ITGA2: variants seen among roughly 807,000 people sequenced by gnomAD.
ITGA2 encodes the protein integrin alpha-2.
A neutral mutation model predicts 146.3 loss-of-function variants in ITGA2; 101 were observed. The observed-to-expected ratio is 0.69, with a 90% CI of 0.59 to 0.81. ITGA2 has a LOEUF of 0.81. Among genes scored for constraint, ITGA2 ranks in the 40% least tolerant of loss-of-function variants. ITGA2 has a pLI of 0.00. For synonymous variants in ITGA2, 477 were observed against 487.1 expected (o/e 0.98, Z 0.27); for missense variants, 1,281 against 1,402.7 (o/e 0.91, Z 1.39).
chr5:52,997,710 A>G (rs943155223), intron 1 of ITGA2, among the ~76,000 whole-genome samples: 2 of 152,032 alleles, frequency 1.3e-5, no homozygotes, highest in African/African-American at 4.8e-5. Context: ...CAGTCAGACA[A>G]CTCTATTCCA....
intron 27 of ITGA2, 127 bp downstream of exon 27, chr5:53,083,580 C>A: frequency 1.4e-6 from 1 of 716,138 alleles, no homozygotes; most frequent in South Asian, 1.5e-5. Context: ...TAACCCAGAG[C>A]ATTTTACCCT....
At chr5:53,017,137 T>C (rs1742432025) in intron 1 of ITGA2, among the ~76,000 whole-genome samples, 1 of 152,190 alleles carries the variant, frequency 6.6e-6, no homozygotes, top group Non-Finnish European at 1.5e-5. Flanking sequence ...ACTAGTGCTG[T>C]TGTTTGGAAG....
chr5:53,015,019 A>G (rs1406075133), intron 1 of ITGA2, among the ~76,000 whole-genome samples: 1 of 151,378 alleles, frequency 6.6e-6, no homozygotes. Flanking sequence ...CAGTCTATCT[A>G]TCTTGTCTAT....
intron 2 of ITGA2, among the ~76,000 whole-genome samples, chr5:53,028,780 A>G (rs1340805229): frequency 6.6e-6 from 1 of 152,200 alleles, no homozygotes; most frequent in African/African-American, 2.4e-5. Context: ...TATCTTATCC[A>G]TGAGCCAGTC....
At chr5:53,024,291 CATT>C (rs1403823772) in intron 1 of ITGA2, among the ~76,000 whole-genome samples, 6 of 152,068 alleles carry the variant, frequency 3.9e-5, no homozygotes, top group South Asian at 4.1e-4. Context: ...TTGGAATAAA[CATT>C]ATAATTTAAA....
At position 53,065,011 on chromosome 5, in the gene ITGA2, G is replaced by A; in HGVS notation, c.1702G>A (p.Gly568Ser). ...AGCTCTTTCAGACATCAACATGGAT[G>A]GCTTTAATGATGTGATTGTTGGTTC... ...IAALSDINMDGFNDVIVGSPL... is the reference protein window; with the variant it reads ...IAALSDINMDSFNDVIVGSPL... Residue 568 changes from glycine (G) to serine (S), a missense_variant, in exon 14 of 30, where the codon GGC becomes AGC. Coordinates refer to ENST00000296585, the MANE Select transcript of ITGA2 (RefSeq NM_002203.4). 6.2e-7 allele frequency: 1 copy of A among 1,612,848 alleles called. No homozygotes were observed.
rs1380049630 is a variant in ITGA2 at position 53,062,788 on chromosome 5, T to C, written c.1461T>C (p.Ile487=). The C allele has an allele frequency of 6.2e-7, 1 of 1,611,246 alleles. No homozygotes were observed. The highest frequency in any genetic ancestry group is 8.5e-7 in the Non-Finnish European group (1 of 1,178,026). ...TVIQAHRGDQ[I]GSYFGSVLCS... The stretch of plus-strand genomic sequence containing the variant: ...TTTAACATGTTTTATTACTCCAGAT[T>C]GGCTCCTATTTTGGTAGTGTGCTGT... Residue 487 remains isoleucine, a splice_region_variant and synonymous_variant, in exon 13 of 30, where the codon ATT becomes ATC. Transcript: ENST00000296585.
intron 1 of ITGA2, among the ~76,000 whole-genome samples, chr5:53,010,195 A>G (rs1297242173): frequency 5.3e-5 from 8 of 152,110 alleles, no homozygotes; most frequent in Admixed American, 2.6e-4. Flanking sequence ...TTACCTACAT[A>G]AGAAACCTGC....
intron 16 of ITGA2, among the ~76,000 whole-genome samples, chr5:53,068,826 A>G (rs1296274026): frequency 2.6e-5 from 4 of 151,360 alleles, no homozygotes; most frequent in African/African-American, 9.7e-5. Context: ...TTTAAGATTA[A>G]TAACATAGCC....
rs140852048 is a variant in ITGA2, at chr5:53,026,806, C to T, written c.123C>T (p.Ser41=). Residue 41 remains serine, a synonymous_variant, in exon 2 of 30, where the codon TCC becomes TCT. Coordinates refer to ENST00000296585, the MANE Select transcript of ITGA2 (RefSeq NM_002203.4). The part of the protein sequence containing the change: ...NVGLPEAKIF[S]GPSSEQFGYA... ...GTCTCCCAGAAGCAAAAATATTTTC[C>T]GGTCCTTCAAGTGAACAGTTTGGCT... 1.8e-5 allele frequency: 29 copies of T among 1,612,974 alleles called. No homozygotes were observed. The highest frequency in any genetic ancestry group is 2.0e-5 in the Non-Finnish European group (24 of 1,179,216).
chr5:53,005,309 T>C (rs1323155284), intron 1 of ITGA2, among the ~76,000 whole-genome samples: 1 of 152,064 alleles, frequency 6.6e-6, no homozygotes, highest in Non-Finnish European at 1.5e-5. Flanking sequence ...ATAAATTTGC[T>C]CAGGATATAC....
chr5:53,051,291 G>A, intron 6 of ITGA2, 120 bp from the exon 7 acceptor site: 2 of 982,486 alleles, frequency 2.0e-6, no homozygotes, highest in Non-Finnish European at 3.2e-6. Context: ...AAAGTTGGAA[G>A]TGATGCCTTA....
intron 10 of ITGA2, among the ~76,000 whole-genome samples, chr5:53,058,675 G>C (rs1379669217): frequency 2.0e-5 from 3 of 151,200 alleles, no homozygotes; most frequent in Non-Finnish European, 4.4e-5. Flanking sequence ...GATAGTGAAA[G>C]GAGGCGAAAA....
rs1740589918 is a variant in ITGA2, at chr5:53,094,231, T to C, written c.*3632T>C. 1 of 144,812 alleles carries C rather than the reference T, an allele frequency of 6.9e-6. No homozygotes were observed. Among genetic ancestry groups the C allele is most frequent in the Admixed American group, 6.8e-5 (1 of 14,626 alleles). The allele number at this position is 144,812 out of a possible 1,614,324, so 9.0% of individuals were successfully genotyped here. A position where few individuals can be genotyped will look rare whatever the true frequency, so the allele number is the denominator to read the frequency against. ...TGTGTACATTCAGGCATACCCATTTTAATCAATTTGAAAGGTTAATTTAAA... is the reference window on the plus strand; with the variant it reads ...TGTGTACATTCAGGCATACCCATTTCAATCAATTTGAAAGGTTAATTTAAA... On this transcript the variant is annotated 3_prime_UTR_variant, in exon 30 of 30. Transcript: ENST00000296585.
chr5:53,065,820 G>A lies in ITGA2; in HGVS notation c.1807-21G>A, dbSNP rs769131957. On this transcript the variant is annotated intron_variant, in intron 14 of 29. Coordinates refer to ENST00000296585, the MANE Select transcript of ITGA2 (RefSeq NM_002203.4). ...TTCAGCTGTTGTGTACTATAATTTCGTGTCAAACCTGCTCTTTTAGAAAAT... is the reference window on the plus strand; with the variant it reads ...TTCAGCTGTTGTGTACTATAATTTCATGTCAAACCTGCTCTTTTAGAAAAT... The A allele has an allele frequency of 2.5e-5, 40 of 1,611,280 alleles. 1 individual carries two copies. Among genetic ancestry groups the A allele is most frequent in the Middle Eastern group, 1.7e-4 (1 of 6,050 alleles).
At chr5:53,066,474 C>G (rs935427633) in intron 15 of ITGA2, among the ~76,000 whole-genome samples, 1 of 151,744 alleles carries the variant, frequency 6.6e-6, no homozygotes. Flanking sequence ...TCAGAGAGAA[C>G]AGTGTGAAGG....
In ITGA2 at chr5:53,094,328, T is replaced by C. The variant is rs1393363961; in HGVS notation, c.*3729T>C. 4.6e-5 allele frequency: 7 copies of C among 152,124 alleles called. No homozygotes were observed. Among genetic ancestry groups the C allele is most frequent in the Non-Finnish European group, 5.9e-5 (4 of 67,988 alleles). 9.4% of individuals were successfully genotyped at this position (152,124 alleles called of 1,614,324 possible). A position where few individuals can be genotyped will look rare whatever the true frequency, so the allele number is the denominator to read the frequency against. ...GAAAATCTTAACTATTTCTTTGAAC[T>C]CTAAAGACTGAAACTGTAGCCATTA... On this transcript the variant is annotated 3_prime_UTR_variant, in exon 30 of 30. Transcript: ENST00000296585.
At chr5:53,055,726 G>A in intron 8 of ITGA2, 38 bp downstream of exon 8, 1 of 1,608,176 alleles carries the variant, frequency 6.2e-7, no homozygotes, top group Non-Finnish European at 8.5e-7. Flanking sequence ...TGCCGCTATT[G>A]GGTAAATCTT....
chr5:53,074,327 A>G (rs1745549373), intron 20 of ITGA2, 58 bp from the exon 21 acceptor site: 2 of 1,361,188 alleles, frequency 1.5e-6, no homozygotes, highest in African/African-American at 1.4e-5. Flanking sequence ...AGGTGCGTGC[A>G]TACACACACA....
Sources: gnomAD v4.1 joint callset for allele counts (sites outside exome capture counted in the v4.1 genomes callset) on GRCh38, gnomAD v4.1.1 for gene constraint, MANE v1.5 for transcripts, NCBI Gene and HGNC (gene_info 2026-07-23, HGNC 2026-07-21) for gene names.